CEP128: variants seen among roughly 807,000 people sequenced by gnomAD.
CEP128 encodes the protein centrosomal protein 128.
CEP128 carries 132 observed loss-of-function variants against 156.7 expected under a neutral mutation model. That is an observed-to-expected ratio of 0.84 (90% confidence interval 0.73 to 0.97). The LOEUF (loss-of-function observed/expected upper bound fraction) is 0.97. Ranked by LOEUF, CEP128 falls within the 50% of genes least tolerant of loss-of-function variation. CEP128 has a pLI of 0.00. For synonymous variants in CEP128, 469 were observed against 448.9 expected, an observed-to-expected ratio of 1.04 and a Z score of -0.57; for missense variants, 1,252 against 1,281.9, an observed-to-expected ratio of 0.98 and a Z score of 0.36.
intron 9 of CEP128, among the ~76,000 whole-genome samples, chr14:80,848,060 C>T (rs2140107203): frequency 6.6e-6 from 1 of 152,260 alleles, no homozygotes; most frequent in South Asian, 2.1e-4. Flanking sequence ...AAGTCCCTGC[C>T]TCCATAAAGC....
chr14:80,785,193 T>C lies in CEP128; in HGVS notation c.1913A>G (p.Lys638Arg), dbSNP rs1349883105. The change falls in exon 15 of 25, where the codon AAG becomes AGG. Residue 638 changes from lysine (K) to arginine (R), a missense_variant. Transcript: ENST00000555265. ...AKLLEMQESI[K>R]DLSAIRADLA... ...ATCTGCTCGGATGGCACTCAGGTCC[T>C]TGATGGACTCTTGCATCTCAAGAAG... The C allele has an allele frequency of 1.9e-6, 3 of 1,614,092 alleles. No individual in the cohort carries two copies. Among genetic ancestry groups the C allele is most frequent in the Non-Finnish European group, 2.5e-6 (3 of 1,180,024 alleles).
chr14:80,913,682 G>T (rs1656039563), intron 4 of CEP128, among the ~76,000 whole-genome samples: 1 of 152,132 alleles, frequency 6.6e-6, no homozygotes, highest in Non-Finnish European at 1.5e-5. Context: ...GGACGCAAAG[G>T]TATACAGAGT....
intron 19 of CEP128, among the ~76,000 whole-genome samples, chr14:80,650,259 T>C (rs1215071915): frequency 6.6e-6 from 1 of 152,182 alleles, no homozygotes; most frequent in Non-Finnish European, 1.5e-5. Flanking sequence ...TTTTTGCAAA[T>C]TGATTTTGTA....
chr14:80,881,652 A>T (rs1479947987), intron 8 of CEP128, among the ~76,000 whole-genome samples: 2 of 152,218 alleles, frequency 1.3e-5, no homozygotes, highest in Non-Finnish European at 2.9e-5. Context: ...ATCCTTGATG[A>T]ATACTGATGC....
At chr14:80,779,580 CTG>C (rs1900991450) in intron 15 of CEP128, among the ~76,000 whole-genome samples, 1 of 152,170 alleles carries the variant, frequency 6.6e-6, no homozygotes, top group African/African-American at 2.4e-5. Flanking sequence ...CTCATAGAAA[CTG>C]TCAAAGCCAA....
chr14:80,789,923 G>A (rs1009093464), intron 14 of CEP128, among the ~76,000 whole-genome samples: 2 of 151,652 alleles, frequency 1.3e-5, no homozygotes, highest in Non-Finnish European at 2.9e-5. Flanking sequence ...GAAAATGCAG[G>A]CAGATGGCTG....
At chr14:80,924,153 G>A (rs1885025042) in intron 2 of CEP128, among the ~76,000 whole-genome samples, 2 of 152,192 alleles carry the variant, frequency 1.3e-5, no homozygotes, top group South Asian at 4.1e-4. Flanking sequence ...AGTTTCAATA[G>A]CTGTAGGACT....
chr14:80,846,682 A>G (rs1191711368), intron 9 of CEP128, among the ~76,000 whole-genome samples: 3 of 152,214 alleles, frequency 2.0e-5, no homozygotes, highest in African/African-American at 7.2e-5. Flanking sequence ...AATAATTAAT[A>G]GCCTTTAGTA....
At chr14:80,717,451 T>C (rs1218383010) in intron 19 of CEP128, among the ~76,000 whole-genome samples, 1 of 152,170 alleles carries the variant, frequency 6.6e-6, no homozygotes, top group African/African-American at 2.4e-5. Flanking sequence ...TTCAGAGTGA[T>C]AATGAAGCTG....
At chr14:80,487,728 A>C (rs183016142), downstream of CEP128, among the ~76,000 whole-genome samples, 3,912 of 152,284 alleles carry the variant, frequency 0.026, 180 homozygotes, top group African/African-American at 0.09. Context: ...AAACTCACTC[A>C]AAACTGCTCA....
chr14:80,735,873 A>G (rs929197861), intron 19 of CEP128, among the ~76,000 whole-genome samples: 2 of 152,214 alleles, frequency 1.3e-5, no homozygotes. Flanking sequence ...TCTTTCTCAT[A>G]TTGAATCCTA....
intron 19 of CEP128, among the ~76,000 whole-genome samples, chr14:80,739,671 T>G (rs188712538): frequency 1.1e-3 from 170 of 152,294 alleles, no homozygotes; most frequent in Non-Finnish European, 2.0e-3. Flanking sequence ...TTTGAATTTT[T>G]TTCACGTTAC....
chr14:80,617,392 G>A (rs997040900), intron 19 of CEP128, among the ~76,000 whole-genome samples: 5 of 151,710 alleles, frequency 3.3e-5, no homozygotes, highest in Admixed American at 3.3e-4. Context: ...CGCCACGCCT[G>A]GCTAATTTTT....
chr14:80,784,864 C>T, intron 15 of CEP128, 31 bp downstream of exon 15: 1 of 1,533,254 alleles, frequency 6.5e-7, no homozygotes, highest in East Asian at 2.3e-5. Context: ...AAAATTCCTT[C>T]AGTATCATCA....
intron 14 of CEP128, among the ~76,000 whole-genome samples, chr14:80,788,175 T>G (rs1162504629): frequency 2.0e-5 from 3 of 152,062 alleles, no homozygotes; most frequent in African/African-American, 7.2e-5. Flanking sequence ...AAAATGTCAG[T>G]GTCTTTACTG....
At chr14:80,611,339 T>TA (rs1443906891) in intron 19 of CEP128, among the ~76,000 whole-genome samples, 5 of 149,800 alleles carry the variant, frequency 3.3e-5, no homozygotes, top group Admixed American at 6.6e-5. Context: ...AAAAGGAGAT[T>TA]AAAAAAAATC....
intron 24 of CEP128, among the ~76,000 whole-genome samples, chr14:80,500,717 C>T (rs1011206064): frequency 1.3e-5 from 2 of 152,138 alleles, no homozygotes; most frequent in African/African-American, 2.4e-5. Flanking sequence ...TTTTGTAAAA[C>T]ATGGAGAAGC....
chr14:80,879,138 G>T (rs1339656740), intron 8 of CEP128, among the ~76,000 whole-genome samples: 3 of 152,078 alleles, frequency 2.0e-5, no homozygotes, highest in Non-Finnish European at 2.9e-5. Flanking sequence ...TAACAAAGAA[G>T]CAGAGCCACC....
chr14:80,829,965 G>T (rs769046055), intron 13 of CEP128, among the ~76,000 whole-genome samples: 18 of 152,136 alleles, frequency 1.2e-4, no homozygotes, highest in Non-Finnish European at 2.1e-4. Flanking sequence ...AGGAAAGAAG[G>T]GAGGGAGGAC....
Sources: allele counts gnomAD v4.1 joint callset (sites outside exome capture counted in the v4.1 genomes callset), GRCh38; gene constraint gnomAD v4.1.1; transcripts MANE v1.5; gene names NCBI Gene and HGNC (gene_info 2026-07-23, HGNC 2026-07-21).